IQCM: variants seen among roughly 807,000 people sequenced by gnomAD.
The protein encoded by IQCM is IQ domain-containing protein M.
Under a neutral mutation model 57.6 loss-of-function variants are expected in IQCM, and 45 were observed. The ratio of observed to expected loss-of-function variants is 0.78; its 90% CI spans 0.62 to 1.00. IQCM has a LOEUF of 1.00. Among genes scored for constraint, IQCM ranks in the 50% least tolerant of loss-of-function variants. The pLI is 0.00. For missense variants in IQCM, 468 were observed against 511.6 expected (o/e 0.91, Z 0.82); for synonymous variants, 148 against 158.9 (o/e 0.93, Z 0.51).
intron 9 of IQCM, among the ~76,000 whole-genome samples, chr4:149,574,165 A>G (rs1751430313): frequency 6.6e-6 from 1 of 152,012 alleles, no homozygotes; most frequent in Admixed American, 6.6e-5. Flanking sequence ...TGTCAGATAC[A>G]TGGAGACTAA....
At chr4:149,539,640 C>T (rs1487087141) in intron 12 of IQCM, among the ~76,000 whole-genome samples, 5 of 152,018 alleles carry the variant, frequency 3.3e-5, no homozygotes, top group Non-Finnish European at 5.9e-5. Context: ...GCAGACAGAT[C>T]GTCTGAGGTC....
chr4:149,808,005 A>G (rs1057298722), intron 2 of IQCM, among the ~76,000 whole-genome samples: 26 of 152,144 alleles, frequency 1.7e-4, no homozygotes, highest in African/African-American at 6.0e-4. Context: ...GAAGAATGGT[A>G]TGGAAGTTTC....
At chr4:149,460,536 T>C (rs1427456507) in intron 12 of IQCM, among the ~76,000 whole-genome samples, 3 of 152,180 alleles carry the variant, frequency 2.0e-5, no homozygotes, top group Non-Finnish European at 4.4e-5. Context: ...AACATAATTA[T>C]GTTGCCTCAG....
intron 12 of IQCM, among the ~76,000 whole-genome samples, chr4:149,450,805 T>C (rs981698412): frequency 9.9e-5 from 15 of 151,734 alleles, no homozygotes; most frequent in African/African-American, 2.9e-4. Context: ...AAGTAGAAGT[T>C]CCTCAAAAAA....
intron 2 of IQCM, among the ~76,000 whole-genome samples, chr4:149,764,625 T>C (rs1485270845): frequency 6.6e-6 from 1 of 152,154 alleles, no homozygotes; most frequent in Non-Finnish European, 1.5e-5. Flanking sequence ...GAATGCCTTT[T>C]CTCCTTTTAA....
Position 149,721,385 on chromosome 4 carries a change from A to G in IQCM, c.385+11859T>C, listed in dbSNP as rs548133538. Among the ~76,000 whole-genome samples, 4 of 152,162 alleles carry G rather than the reference A, an allele frequency of 2.6e-5. No homozygotes were observed. In the South Asian group the frequency reaches 8.3e-4, roughly 32 times the overall value. ...TGAAGTCTTGAATTTTAGTGTACCCATCACCCAAATAGTGTACATGGTAAT... is the reference window on the plus strand; with the variant it reads ...TGAAGTCTTGAATTTTAGTGTACCCGTCACCCAAATAGTGTACATGGTAAT... On this transcript the variant is annotated intron_variant, in intron 5 of 13. Transcript: ENST00000636793.
At chr4:149,453,437 C>T (rs962839598) in intron 12 of IQCM, among the ~76,000 whole-genome samples, 2 of 151,656 alleles carry the variant, frequency 1.3e-5, no homozygotes, top group Non-Finnish European at 2.9e-5. Flanking sequence ...GAAAAGACAA[C>T]CCATAGACTA....
intron 7 of IQCM, among the ~76,000 whole-genome samples, chr4:149,678,241 C>T (rs1360578065): frequency 6.6e-6 from 1 of 151,662 alleles, no homozygotes; most frequent in African/African-American, 2.4e-5. Context: ...TAATCAGACC[C>T]TCAAAGGTCA....
intron 12 of IQCM, among the ~76,000 whole-genome samples, chr4:149,447,663 C>T (rs1435741093): frequency 6.6e-6 from 1 of 151,314 alleles, no homozygotes; most frequent in Non-Finnish European, 1.5e-5. Context: ...ATTAAAAAGC[C>T]TAATATATGT....
intron 12 of IQCM, among the ~76,000 whole-genome samples, chr4:149,459,366 A>G (rs1738032925): frequency 6.6e-6 from 1 of 152,236 alleles, no homozygotes; most frequent in Non-Finnish European, 1.5e-5. Context: ...AACTGAAAAG[A>G]GAACAGTGAA....
chr4:149,508,437 T>A (rs1160678981), intron 12 of IQCM, among the ~76,000 whole-genome samples: 1 of 152,180 alleles, frequency 6.6e-6, no homozygotes, highest in Non-Finnish European at 1.5e-5. Context: ...ACCCACCTCT[T>A]GCATCAGCAT....
chr4:149,631,713 G>C (rs934096912), intron 7 of IQCM, among the ~76,000 whole-genome samples: 2 of 152,066 alleles, frequency 1.3e-5, no homozygotes, highest in Non-Finnish European at 2.9e-5. Context: ...TTTCTGAATG[G>C]GCTGATTGTG....
chr4:149,429,069 C>A (rs967314767), intron 13 of IQCM, among the ~76,000 whole-genome samples: 1 of 151,802 alleles, frequency 6.6e-6, no homozygotes, highest in African/African-American at 2.4e-5. Flanking sequence ...AGCTAATCCA[C>A]CCCTTCAAGG....
intron 2 of IQCM, among the ~76,000 whole-genome samples, chr4:149,793,435 T>C (rs1368530173): frequency 1.3e-5 from 2 of 152,166 alleles, no homozygotes; most frequent in African/African-American, 4.8e-5. Context: ...TTGCACCAGC[T>C]TCTGACTATC....
At chr4:149,559,938 C>G (rs1425971616) in intron 10 of IQCM, among the ~76,000 whole-genome samples, 1 of 152,182 alleles carries the variant, frequency 6.6e-6, no homozygotes, top group Non-Finnish European at 1.5e-5. Context: ...TTGTGAACTG[C>G]ACATGCAGGG....
chr4:149,643,043 T>TA (rs11362352), intron 7 of IQCM, among the ~76,000 whole-genome samples: 15 of 151,338 alleles, frequency 9.9e-5, no homozygotes, highest in Non-Finnish European at 1.8e-4. Context: ...TTTTTTAACT[T>TA]AAAAAAAAAT....
At chr4:149,422,976 T>A (rs534768750) in intron 13 of IQCM, among the ~76,000 whole-genome samples, 126 of 152,194 alleles carry the variant, frequency 8.3e-4, no homozygotes, top group Non-Finnish European at 1.5e-3. Flanking sequence ...CATAAAATAT[T>A]GATGCATAGG....
At chr4:149,719,801 G>A (rs905920777) in intron 5 of IQCM, among the ~76,000 whole-genome samples, 3 of 152,126 alleles carry the variant, frequency 2.0e-5, no homozygotes, top group Admixed American at 1.3e-4. Context: ...TGAATCACAA[G>A]CCCAAAGCTG....
At chr4:149,639,857 AGGT>A (rs1227114317) in intron 7 of IQCM, among the ~76,000 whole-genome samples, 1 of 152,186 alleles carries the variant, frequency 6.6e-6, no homozygotes, top group Admixed American at 6.5e-5. Flanking sequence ...CGAGACAGCG[AGGT>A]GGAGGTTGCA....
Sources: gnomAD v4.1 joint callset for allele counts (sites outside exome capture counted in the v4.1 genomes callset) on GRCh38, gnomAD v4.1.1 for gene constraint, MANE v1.5 for transcripts, NCBI Gene and HGNC (gene_info 2026-07-23, HGNC 2026-07-21) for gene names.